The following TINAG variants were observed in gnomAD, a reference collection of about 807,000 sequenced individuals.
TINAG encodes the protein tubulointerstitial nephritis antigen.
A neutral mutation model predicts 72.7 loss-of-function variants in TINAG; 83 were observed. The ratio of observed to expected loss-of-function variants is 1.14; its 90% CI spans 0.96 to 1.37. The LOEUF is 1.37. TINAG is among the 40% of genes most tolerant of loss of function. The probability of loss-of-function intolerance (pLI) is 0.00; values close to 1 mark genes in which losing one functional copy is unlikely to be tolerated. For missense variants in TINAG, 685 were observed against 576.6 expected, an observed-to-expected ratio of 1.19 and a Z score of -1.93; for synonymous variants, 234 against 189.9, an observed-to-expected ratio of 1.23 and a Z score of -1.91.
chr6:54,308,004 G>GT, upstream of TINAG: 1 of 1,541,684 alleles, frequency 6.5e-7, no homozygotes, highest in Non-Finnish European at 8.8e-7. Context: ...TCAAACCAGT[G>GT]TGTGACTGGG....
At chr6:54,375,907 G>T (rs139228750) in intron 9 of TINAG, among the ~76,000 whole-genome samples, 290 of 152,164 alleles carry the variant, frequency 1.9e-3, no homozygotes, top group African/African-American at 6.7e-3. Flanking sequence ...TATTCAAATG[G>T]CTCTTTATCA....
chr6:54,371,981 G>GTTT (rs576340253), intron 9 of TINAG, among the ~76,000 whole-genome samples: 1,574 of 71,428 alleles, frequency 0.022, 405 homozygotes, highest in Non-Finnish European at 0.033. Context: ...TTCAAGTCAT[G>GTTT]TTTTTTTTTT....
chr6:54,338,292 T>G (rs774737683), intron 4 of TINAG, among the ~76,000 whole-genome samples: 5 of 152,204 alleles, frequency 3.3e-5, no homozygotes, highest in Non-Finnish European at 7.3e-5. Context: ...AAATTTATTA[T>G]TTTCTTCTCT....
intron 9 of TINAG, among the ~76,000 whole-genome samples, chr6:54,369,461 T>G (rs998040427): frequency 6.6e-6 from 1 of 151,924 alleles, no homozygotes; most frequent in Non-Finnish European, 1.5e-5. Context: ...TCTATATGTA[T>G]ACTATATAAA....
chr6:54,308,361 A>G, upstream of TINAG: 1 of 637,060 alleles, frequency 1.6e-6, no homozygotes, highest in Middle Eastern at 4.3e-4. Flanking sequence ...AACATACATT[A>G]TCTTGGTCAA....
At chr6:54,355,714 C>CGT (rs5876379) in intron 9 of TINAG, among the ~76,000 whole-genome samples, 9,570 of 145,108 alleles carry the variant, frequency 0.066, 350 homozygotes, top group African/African-American at 0.1. Flanking sequence ...AAAAATGTAA[C>CGT]GTGTGTGTGT....
chr6:54,369,694 A>C (rs1486206904), intron 9 of TINAG, among the ~76,000 whole-genome samples: 1 of 151,976 alleles, frequency 6.6e-6, no homozygotes, highest in Non-Finnish European at 1.5e-5. Context: ...TACTATTTTA[A>C]ATATCATCAT....
intron 9 of TINAG, among the ~76,000 whole-genome samples, chr6:54,362,007 G>T (rs1489016740): frequency 6.6e-6 from 1 of 151,582 alleles, no homozygotes; most frequent in East Asian, 1.9e-4. Flanking sequence ...AGTTAGCAGA[G>T]ATTGGTTCAT....
rs1359782980 is a variant in TINAG at position 54,343,242 on chromosome 6, C to G, written c.641C>G (p.Thr214Arg). 5 of 1,571,102 alleles carry G rather than the reference C, an allele frequency of 3.2e-6. No individual in the cohort carries two copies. The highest frequency in any genetic ancestry group is 4.6e-5 in the East Asian group (2 of 43,036). ...MNEMTASLPA[T>R]TDLPEFFVAS... ...CCTCTTTAGGCTTCTTTACCTGCAA[C>G]AACTGATCTTCCAGAGTTTTTTGTT... Residue 214 changes from threonine (T) to arginine (R), a missense_variant, in exon 5 of 11, where the codon ACA (threonine) becomes AGA (arginine). Physicochemically the swap from Thr to Arg is moderately conservative, Grantham distance 71. Coordinates refer to ENST00000259782, the MANE Select transcript of TINAG (RefSeq NM_014464.4).
intron 8 of TINAG, among the ~76,000 whole-genome samples, chr6:54,351,911 G>C (rs1317863306): frequency 6.6e-6 from 1 of 151,772 alleles, no homozygotes; most frequent in Non-Finnish European, 1.5e-5. Context: ...TTTCAATTTT[G>C]ATCAATTTTG....
chr6:54,320,512 C>T (rs1784466293), intron 1 of TINAG, 67 bp from the exon 2 acceptor site: 4 of 1,275,484 alleles, frequency 3.1e-6, no homozygotes, highest in Non-Finnish European at 4.4e-6. Flanking sequence ...TTTTTGATTA[C>T]ATTTTATGTT....
At chr6:54,341,149 T>C (rs1310472750) in intron 4 of TINAG, among the ~76,000 whole-genome samples, 1 of 152,196 alleles carries the variant, frequency 6.6e-6, no homozygotes, top group Non-Finnish European at 1.5e-5. Flanking sequence ...GACACTCCAC[T>C]ATTTTTCTGA....
chr6:54,341,631 C>A (rs1784997530), intron 4 of TINAG, among the ~76,000 whole-genome samples: 1 of 152,102 alleles, frequency 6.6e-6, no homozygotes, highest in Non-Finnish European at 1.5e-5. Flanking sequence ...AAATTCTAAA[C>A]ATTCCTTGTT....
intron 10 of TINAG, among the ~76,000 whole-genome samples, chr6:54,385,879 ATTTTTTTTTTTT>A (rs557831982): frequency 2.8e-4 from 23 of 80,762 alleles, no homozygotes; most frequent in Non-Finnish European, 3.7e-4. Context: ...AAAAAACATG[ATTTTTTTTTTTT>A]TTTTTTTTTT....
At chr6:54,320,320 G>A (rs1160422849) in intron 1 of TINAG, among the ~76,000 whole-genome samples, 2 of 151,812 alleles carry the variant, frequency 1.3e-5, no homozygotes, top group Admixed American at 6.6e-5. Context: ...TAATTCCTTG[G>A]TAATCTTGTT....
intron 1 of TINAG, among the ~76,000 whole-genome samples, chr6:54,315,267 A>C (rs952223232): frequency 6.6e-6 from 1 of 152,142 alleles, no homozygotes; most frequent in Non-Finnish European, 1.5e-5. Context: ...CTTCAGGATT[A>C]AAAAAGTAAA....
At chr6:54,386,436 C>A (rs903441380) in intron 10 of TINAG, among the ~76,000 whole-genome samples, 1 of 152,042 alleles carries the variant, frequency 6.6e-6, no homozygotes, top group Non-Finnish European at 1.5e-5. Flanking sequence ...TCCAAGCTCA[C>A]GTGGTTGTTG....
chr6:54,370,185 C>T lies in TINAG; in HGVS notation c.1251-10341C>T, dbSNP rs1377436886. Reference sequence around the variant, plus strand: ...TGCTGAATCTTTGAATTCGTGTCTGCTGTTATAATTGCATGCTCAAATGTC... The same window carrying T: ...TGCTGAATCTTTGAATTCGTGTCTGTTGTTATAATTGCATGCTCAAATGTC... On this transcript the variant is annotated intron_variant, in intron 9 of 10. Transcript: ENST00000259782. 2.0e-5 allele frequency among the ~76,000 whole-genome samples: 3 copies of T among 152,024 alleles called. No homozygotes were observed. In the East Asian group the frequency reaches 5.8e-4, roughly 29 times the overall value.
At chr6:54,379,886 C>A (rs1276252518) in intron 9 of TINAG, among the ~76,000 whole-genome samples, 2 of 151,846 alleles carry the variant, frequency 1.3e-5, no homozygotes, top group African/African-American at 2.4e-5. Flanking sequence ...ACTCATCAAC[C>A]AGTCATCTAC....
Sources: allele counts gnomAD v4.1 joint callset (sites outside exome capture counted in the v4.1 genomes callset), GRCh38; gene constraint gnomAD v4.1.1; transcripts MANE v1.5; gene names NCBI Gene and HGNC (gene_info 2026-07-23, HGNC 2026-07-21).